SAP130: variants seen among roughly 807,000 people sequenced by gnomAD.
SAP130 encodes the protein Sin3A associated protein 130, also known as histone deacetylase complex subunit SAP130.
A neutral mutation model predicts 103.2 loss-of-function variants in SAP130; 16 were observed. That is an observed-to-expected ratio of 0.16 (90% CI 0.10 to 0.24). SAP130 has a LOEUF of 0.24. Among genes scored for constraint, SAP130 ranks in the 10% least tolerant of loss-of-function variants. The pLI, the probability that SAP130 is intolerant of heterozygous loss-of-function variation, is 1.00. For missense variants in SAP130, 990 were observed against 1,359.7 expected (o/e 0.73, Z 4.28); for synonymous variants, 477 against 497.0 (o/e 0.96, Z 0.53).
intron 14 of SAP130, among the ~76,000 whole-genome samples, chr2:127,983,820 G>GC (rs1553508986): frequency 8.9e-6 from 1 of 112,354 alleles, no homozygotes; most frequent in Non-Finnish European, 1.7e-5. Flanking sequence ...CTATTACTTT[G>GC]TTGTTTTTTT....
Position 127,989,985 on chromosome 2 carries a change from GAAAA to G in SAP130, c.1478-123_1478-120del. 1 of 876,392 alleles carries G rather than the reference GAAAA, an allele frequency of 1.1e-6. No homozygotes were observed. The highest frequency in any genetic ancestry group is 2.0e-5 in the South Asian group (1 of 50,528). 54.3% of individuals were successfully genotyped at this position (876,392 alleles called of 1,614,324 possible). On this transcript the variant is annotated intron_variant, in intron 12 of 20. Coordinates refer to ENST00000643581, the MANE Select transcript of SAP130 (RefSeq NM_001330301.2). This position sits in a 1 kb window ranked among gnomAD's most constrained non-coding sequence, Gnocchi z 4.6. Reference sequence around the variant, plus strand: ...TGTATAAGATCTAAATCCATGGTTTGAAAAAAAATAAATAAATAAACATTGTTAC... The same window carrying G: ...TGTATAAGATCTAAATCCATGGTTTGAAAATAAATAAATAAACATTGTTAC...
chr2:127,981,868 A>C, intron 14 of SAP130, among the ~76,000 whole-genome samples: 1 of 150,686 alleles, frequency 6.6e-6, no homozygotes, highest in African/African-American at 2.5e-5. Flanking sequence ...ACCCCGACCC[A>C]GTTCTGGCCC....
intron 1 of SAP130, chr2:128,026,944 G>T: frequency 2.9e-6 from 2 of 690,612 alleles, no homozygotes; most frequent in Non-Finnish European, 4.1e-6. Flanking sequence ...CGATTCGCCC[G>T]CAACCCCACC....
At chr2:128,018,352 A>C (rs952580852) in intron 2 of SAP130, among the ~76,000 whole-genome samples, 1 of 149,026 alleles carries the variant, frequency 6.7e-6, no homozygotes, top group Non-Finnish European at 1.5e-5. Context: ...ACCAAAAACC[A>C]CGTTTTTTTG....
At chr2:127,968,681 A>T (rs1286871392) in intron 15 of SAP130, among the ~76,000 whole-genome samples, 1 of 151,686 alleles carries the variant, frequency 6.6e-6, no homozygotes, top group Non-Finnish European at 1.5e-5. Flanking sequence ...ACGCCTGGCT[A>T]ATTTTTGTAT....
chr2:127,995,527 G>A (rs190274494), intron 11 of SAP130, among the ~76,000 whole-genome samples: 1 of 152,224 alleles, frequency 6.6e-6, no homozygotes. Flanking sequence ...AATAAATGGG[G>A]GTGGATAAGA....
chr2:127,984,118 C>A (rs1682191302), intron 14 of SAP130, among the ~76,000 whole-genome samples: 1 of 151,868 alleles, frequency 6.6e-6, no homozygotes, highest in Admixed American at 6.6e-5. Flanking sequence ...TCTTTTTGTT[C>A]CACGTTTGAG....
At position 127,945,526 on chromosome 2, in the gene SAP130, T is replaced by C; in HGVS notation, c.2831A>G (p.Asn944Ser). 1 of 1,612,988 alleles carries C rather than the reference T, an allele frequency of 6.2e-7. No homozygotes were observed. The highest frequency in any genetic ancestry group is 8.5e-7 in the Non-Finnish European group (1 of 1,178,982). The change falls in exon 19 of 21, where the codon AAT becomes AGT. Residue 944 changes from asparagine (N) to serine (S), a missense_variant. By Grantham distance (46) the Asn-to-Ser change is conservative (BLOSUM62 1). Transcript: ENST00000643581. ...EKKAMLQEIANQKGVSCRAQG... is the reference protein window; with the variant it reads ...EKKAMLQEIASQKGVSCRAQG... ...AGCACGACAGGATACTCCTTTCTGA[T>C]TAGCTATTTCCTGCAGCATAGCTTT...
rs1285548563 is a variant in SAP130, at chr2:128,016,310, T to C, written c.507+79A>G. ...TCTTTTTTTATTACCGTGACTAATG[T>C]ACTGCTAGCATTCAATAAATCATGA... On this transcript the variant is annotated intron_variant, in intron 4 of 20. Transcript: ENST00000643581. 3.5e-6 allele frequency: 5 copies of C among 1,412,568 alleles called. No individual in the cohort carries two copies. In the Admixed American group the frequency reaches 9.2e-5, roughly 26 times the overall value. 87.5% of individuals were successfully genotyped at this position (1,412,568 alleles called of 1,614,324 possible).
chr2:127,948,332 T>C (rs1413815531), intron 18 of SAP130, among the ~76,000 whole-genome samples: 1 of 142,778 alleles, frequency 7.0e-6, no homozygotes, highest in South Asian at 2.3e-4. Flanking sequence ...CTGTGAGTTT[T>C]TTTTTTTTTT....
At chr2:127,964,040 G>A (rs1217429384) in intron 15 of SAP130, among the ~76,000 whole-genome samples, 2 of 152,168 alleles carry the variant, frequency 1.3e-5, no homozygotes, top group Non-Finnish European at 2.9e-5. Flanking sequence ...ATTTTAAAAT[G>A]TTCTCTGAGA....
intron 12 of SAP130, among the ~76,000 whole-genome samples, chr2:127,992,543 C>T (rs1315409288): frequency 6.6e-6 from 1 of 152,138 alleles, no homozygotes; most frequent in East Asian, 1.9e-4. Context: ...CCTCAGCCTC[C>T]CAAAGTGCTG....
At chr2:127,994,116 T>A (rs530116288) in intron 11 of SAP130, among the ~76,000 whole-genome samples, 1 of 152,216 alleles carries the variant, frequency 6.6e-6, no homozygotes, top group South Asian at 2.1e-4. Context: ...TACTTCAACA[T>A]CAAAATGTCT....
At chr2:127,965,516 A>C (rs749168888) in intron 15 of SAP130, among the ~76,000 whole-genome samples, 1 of 150,956 alleles carries the variant, frequency 6.6e-6, no homozygotes, top group Non-Finnish European at 1.5e-5. Context: ...GGGAGTGGGC[A>C]TGGTGGCTCA....
In SAP130 at chr2:127,986,986, A is replaced by G; in HGVS notation, c.1781-24T>C. The G allele has an allele frequency of 6.3e-7, 1 of 1,591,954 alleles. No homozygotes were observed. Among genetic ancestry groups the G allele is most frequent in the Non-Finnish European group, 8.6e-7 (1 of 1,163,282 alleles). On this transcript the variant is annotated intron_variant, in intron 13 of 20. Transcript: ENST00000643581. This position sits in a 1 kb window ranked among gnomAD's most constrained non-coding sequence, Gnocchi z 4.7. ...TGCTACAGGAGAGAGGCAACAGGAA[A>G]GAACATTGAAGAGAGGGAAACAAAA...
At chr2:128,002,882 T>C (rs1683660962) in intron 7 of SAP130, among the ~76,000 whole-genome samples, 1 of 152,132 alleles carries the variant, frequency 6.6e-6, no homozygotes, top group Non-Finnish European at 1.5e-5. Context: ...CCAGCAGCAC[T>C]TTGGGAGGCC....
rs542414111 is a variant in SAP130, at chr2:127,952,277, C to T, written c.2423-1869G>A. On this transcript the variant is annotated intron_variant, in intron 16 of 20. Coordinates refer to ENST00000643581, the MANE Select transcript of SAP130 (RefSeq NM_001330301.2). ...ACCAGCCTGGCCAACATGGTGAAAC[C>T]CCATCTCTACTAAAAATATAAAAAT... 8.6e-5 allele frequency among the ~76,000 whole-genome samples: 13 copies of T among 151,920 alleles called. No homozygotes were observed. The East Asian group carries it at 2.5e-3, about 29-fold the overall frequency.
chr2:128,010,218 T>C, intron 7 of SAP130, 51 bp downstream of exon 7: 1 of 1,532,236 alleles, frequency 6.5e-7, no homozygotes. Flanking sequence ...GAAAAAAGAG[T>C]GAAGGAGGAG....
At chr2:127,959,376 T>G (rs1284196278) in intron 15 of SAP130, among the ~76,000 whole-genome samples, 1 of 152,198 alleles carries the variant, frequency 6.6e-6, no homozygotes, top group Admixed American at 6.5e-5. Flanking sequence ...TATACTCCAG[T>G]GAAACGTCAC....
Sources: allele counts gnomAD v4.1 joint callset (sites outside exome capture counted in the v4.1 genomes callset), GRCh38; gene constraint gnomAD v4.1.1; non-coding constraint Gnocchi (gnomAD v3.1); transcripts MANE v1.5; gene names NCBI Gene and HGNC (gene_info 2026-07-23, HGNC 2026-07-21).